The following ERI1 variants were observed in gnomAD, a reference collection of about 807,000 sequenced individuals.
The protein encoded by ERI1 is 3'-5' exoribonuclease 1.
A neutral mutation model predicts 39.7 loss-of-function variants in ERI1; 39 were observed. The observed-to-expected ratio is 0.98, with a 90% CI of 0.76 to 1.28. The LOEUF (loss-of-function observed/expected upper bound fraction) is 1.28. Among genes scored for constraint, ERI1 ranks in the 50% most tolerant of loss-of-function variants. The pLI, the probability that ERI1 is intolerant of heterozygous loss-of-function variation, is 0.00. For missense variants in ERI1, 581 were observed against 416.9 expected (o/e 1.39, Z -3.43); for synonymous variants, 204 against 149.6 (o/e 1.36, Z -2.65).
At chr8:9,009,113 C>A in intron 2 of ERI1, 1 of 455,920 alleles carries the variant, frequency 2.2e-6, no homozygotes, top group Non-Finnish European at 4.4e-6. Flanking sequence ...TTACTCCTGG[C>A]TTGCGTGGGA....
intron 6 of ERI1, among the ~76,000 whole-genome samples, chr8:9,023,239 GTT>G (rs1818106780): frequency 6.6e-6 from 1 of 151,710 alleles, no homozygotes. Flanking sequence ...CATTTGTCCT[GTT>G]GTGTTTCCCC....
intron 3 of ERI1, among the ~76,000 whole-genome samples, chr8:9,070,121 C>A (rs990505231): frequency 6.6e-6 from 1 of 151,946 alleles, no homozygotes; most frequent in Non-Finnish European, 1.5e-5. Context: ...CACCTGTAAT[C>A]CCAGCTACTC....
chr8:9,015,076 A>G (rs1817085291), intron 3 of ERI1, among the ~76,000 whole-genome samples: 1 of 152,038 alleles, frequency 6.6e-6, no homozygotes, highest in Non-Finnish European at 1.5e-5. Context: ...ACCTCAAGTA[A>G]TCCACCCCCC....
intron 3 of ERI1, among the ~76,000 whole-genome samples, chr8:9,075,811 T>TAGAGACAAGGTCTC (rs1186897444): frequency 5.3e-5 from 8 of 152,238 alleles, no homozygotes; most frequent in African/African-American, 1.9e-4. Context: ...TTTTTATTTA[T>TAGAGACAAGGTCTC]TATTTTTTAT....
At chr8:9,062,172 G>C (rs1439807893) in intron 3 of ERI1, among the ~76,000 whole-genome samples, 7 of 152,150 alleles carry the variant, frequency 4.6e-5, no homozygotes, top group Non-Finnish European at 8.8e-5. Flanking sequence ...AAAGCGTGCT[G>C]TGGGACAGGA....
Position 9,018,049 on chromosome 8 carries a change from A to T in ERI1, c.583-248A>T, listed in dbSNP as rs184140168. On this transcript the variant is annotated intron_variant, in intron 4 of 6. Transcript: ENST00000250263. ...GCCTATAAAAAGAGAACCACTGGGGATGATCTTAAATCTTAATTTTGGGAG... is the reference window on the plus strand; with the variant it reads ...GCCTATAAAAAGAGAACCACTGGGGTTGATCTTAAATCTTAATTTTGGGAG... Among the ~76,000 whole-genome samples the T allele has an allele frequency of 4.0e-3, 613 of 152,298 alleles. 2 individuals are homozygous for T. The highest frequency in any genetic ancestry group is 6.2e-3 in the Admixed American group (95 of 15,302).
intron 2 of ERI1, 21 bp from the exon 3 acceptor site, chr8:9,011,521 T>C: frequency 6.6e-7 from 1 of 1,518,034 alleles, no homozygotes; most frequent in Non-Finnish European, 9.0e-7. Context: ...TAAGTGTAAC[T>C]AGTCTTCTTC....
At chr8:9,019,119 A>G (rs912564867) in intron 5 of ERI1, among the ~76,000 whole-genome samples, 1 of 152,222 alleles carries the variant, frequency 6.6e-6, no homozygotes, top group Non-Finnish European at 1.5e-5. Flanking sequence ...CTTAAAGTGT[A>G]TGCCCAAAAA....
chr8:9,095,451 T>A (rs1047348087), intron 3 of ERI1, among the ~76,000 whole-genome samples: 2 of 152,150 alleles, frequency 1.3e-5, no homozygotes, highest in African/African-American at 4.8e-5. Flanking sequence ...TCAAATTGGC[T>A]ACAGGATGCC....
At chr8:9,044,349 A>T (rs1163342930) in intron 3 of ERI1, among the ~76,000 whole-genome samples, 1 of 152,152 alleles carries the variant, frequency 6.6e-6, no homozygotes, top group Non-Finnish European at 1.5e-5. Flanking sequence ...GATTGTTGAA[A>T]GAAGCGAGGT....
chr8:9,077,011 G>A (rs1023436195), intron 3 of ERI1, among the ~76,000 whole-genome samples: 2 of 152,228 alleles, frequency 1.3e-5, no homozygotes, highest in East Asian at 1.9e-4. Context: ...CACAGCTTTC[G>A]CTGCCTCCAT....
At chr8:9,022,774 A>C (rs777177520) in intron 6 of ERI1, among the ~76,000 whole-genome samples, 1 of 152,172 alleles carries the variant, frequency 6.6e-6, no homozygotes, top group Non-Finnish European at 1.5e-5. Context: ...GAAAATTTCA[A>C]ACATAACAGA....
chr8:9,005,629 C>T (rs1815920924), intron 1 of ERI1, among the ~76,000 whole-genome samples: 1 of 151,866 alleles, frequency 6.6e-6, no homozygotes, highest in Non-Finnish European at 1.5e-5. Context: ...ATTCTCCTGC[C>T]TCAGCCTCCT....
Position 9,030,190 on chromosome 8 carries a change from AT to A in ERI1, c.*160del. On this transcript the variant is annotated 3_prime_UTR_variant, in exon 7 of 7. Coordinates refer to ENST00000250263, the MANE Select transcript of ERI1 (RefSeq NM_153332.4). Reference sequence around the variant, plus strand: ...GAGATAGATACATGTATGTGAACAGATTTTGTAGGAAGGCATACTGAATTCT... The same window carrying A: ...GAGATAGATACATGTATGTGAACAGATTTGTAGGAAGGCATACTGAATTCT... 2 of 991,684 alleles carry A rather than the reference AT, an allele frequency of 2.0e-6. No homozygotes were observed. Among genetic ancestry groups the A allele is most frequent in the Non-Finnish European group, 2.9e-6 (2 of 694,388 alleles). 61.4% of individuals were successfully genotyped at this position (991,684 alleles called of 1,614,324 possible).
intron 3 of ERI1, among the ~76,000 whole-genome samples, chr8:9,083,276 T>C (rs571001139): frequency 6.6e-6 from 1 of 152,318 alleles, no homozygotes; most frequent in East Asian, 1.9e-4. Flanking sequence ...TTTTGGAATG[T>C]TGCTAAAACA....
At chr8:9,022,811 G>A (rs1440563015) in intron 6 of ERI1, among the ~76,000 whole-genome samples, 1 of 152,054 alleles carries the variant, frequency 6.6e-6, no homozygotes, top group African/African-American at 2.4e-5. Flanking sequence ...CATGACCCAG[G>A]TTCAACAATT....
chr8:9,068,102 T>C (rs1430088408), intron 3 of ERI1, among the ~76,000 whole-genome samples: 2 of 152,178 alleles, frequency 1.3e-5, no homozygotes, highest in Non-Finnish European at 2.9e-5. Flanking sequence ...CAGAGCAACA[T>C]CTAATCCAGA....
At chr8:9,064,867 G>A (rs1296415505) in intron 3 of ERI1, among the ~76,000 whole-genome samples, 2 of 152,194 alleles carry the variant, frequency 1.3e-5, no homozygotes, top group East Asian at 3.8e-4. Context: ...TCACCTGGGT[G>A]CAAGCGGGCT....
chr8:9,021,665 A>G (rs1188276587), intron 6 of ERI1, among the ~76,000 whole-genome samples: 1 of 150,482 alleles, frequency 6.6e-6, no homozygotes, highest in Non-Finnish European at 1.5e-5. Context: ...TTTTCTTATT[A>G]TTCCTTATAG....
Sources: gnomAD v4.1 joint callset for allele counts (sites outside exome capture counted in the v4.1 genomes callset) on GRCh38, gnomAD v4.1.1 for gene constraint, MANE v1.5 for transcripts, NCBI Gene and HGNC (gene_info 2026-07-23, HGNC 2026-07-21) for gene names.